SESN3: variants seen among roughly 807,000 people sequenced by gnomAD.
SESN3 encodes sestrin-3.
A neutral mutation model predicts 55.3 loss-of-function variants in SESN3; 21 were observed. The observed-to-expected ratio is 0.38, with a 90% CI of 0.27 to 0.55. The LOEUF (loss-of-function observed/expected upper bound fraction) is 0.55, where lower values mean the gene tolerates loss of function less well. Among genes scored for constraint, SESN3 ranks in the 20% least tolerant of loss-of-function variants. The probability of loss-of-function intolerance (pLI) is 0.76; values close to 1 mark genes in which losing one functional copy is unlikely to be tolerated. For synonymous variants in SESN3, 181 were observed against 203.1 expected (o/e 0.89, Z 0.93); for missense variants, 408 against 604.3 (o/e 0.68, Z 3.41).
intron 2 of SESN3, among the ~76,000 whole-genome samples, chr11:95,192,158 ACTGTCATTC>A (rs557463047): frequency 6.6e-6 from 1 of 152,236 alleles, no homozygotes; most frequent in East Asian, 1.9e-4. Context: ...ACACCAGAAT[ACTGTCATTC>A]CTATTTTGAG....
intron 9 of SESN3, among the ~76,000 whole-genome samples, chr11:95,174,690 T>C (rs143056141): frequency 1.3e-5 from 2 of 152,118 alleles, no homozygotes; most frequent in Admixed American, 1.3e-4. Context: ...TCACTACATG[T>C]TGGCCTGGCT....
chr11:95,231,197 C>T lies in SESN3; in HGVS notation c.-337G>A, dbSNP rs1861060341. The T allele has an allele frequency of 7.2e-6, 3 of 414,510 alleles. No individual in the cohort carries two copies. Among genetic ancestry groups the T allele is most frequent in the Non-Finnish European group, 8.4e-6 (2 of 237,266 alleles). 25.7% of individuals were successfully genotyped at this position (414,510 alleles called of 1,614,324 possible). A position where few individuals can be genotyped will look rare whatever the true frequency, so the allele number is the denominator to read the frequency against. ...CGCCACCACCGCCGCCGCAGCGCCT[C>T]AGTGCGGCCCCGCCTCCGCCGCCCC... On this transcript the variant is annotated 5_prime_UTR_variant, in exon 1 of 10. Coordinates refer to ENST00000536441, the MANE Select transcript of SESN3 (RefSeq NM_144665.4).
intron 2 of SESN3, among the ~76,000 whole-genome samples, chr11:95,192,942 G>A (rs2134236582): frequency 7.3e-6 from 1 of 137,442 alleles, no homozygotes; most frequent in East Asian, 2.1e-4. Flanking sequence ...AGATTCATAT[G>A]ATGCAATAGA....
intron 1 of SESN3, among the ~76,000 whole-genome samples, chr11:95,227,307 G>A (rs1188458041): frequency 1.3e-5 from 2 of 151,908 alleles, no homozygotes; most frequent in Non-Finnish European, 2.9e-5. Flanking sequence ...CCAGGTTCAA[G>A]TGATTCTCCT....
At chr11:95,209,124 T>A (rs1486879983) in intron 1 of SESN3, among the ~76,000 whole-genome samples, 1 of 151,022 alleles carries the variant, frequency 6.6e-6, no homozygotes, top group Non-Finnish European at 1.5e-5. Context: ...ATCATCAGAG[T>A]GAACAGGCAA....
intron 1 of SESN3, among the ~76,000 whole-genome samples, chr11:95,216,198 CCTT>C (rs1456975613): frequency 6.6e-6 from 1 of 151,660 alleles, no homozygotes; most frequent in Non-Finnish European, 1.5e-5. Flanking sequence ...GTGCTCTACA[CCTT>C]CTGTCAAATA....
intron 1 of SESN3, among the ~76,000 whole-genome samples, chr11:95,223,280 C>G (rs1158680346): frequency 6.6e-6 from 1 of 152,036 alleles, no homozygotes; most frequent in Admixed American, 6.6e-5. Context: ...ATTAATAGTT[C>G]TGTCTCTTCT....
chr11:95,205,170 G>A (rs898899841), intron 1 of SESN3, among the ~76,000 whole-genome samples: 13 of 152,166 alleles, frequency 8.5e-5, no homozygotes, highest in African/African-American at 3.1e-4. Context: ...TGTTCTACAT[G>A]ATTCCTGAAA....
chr11:95,173,402 A>G (rs1453884043), intron 9 of SESN3, 61 bp from the exon 10 acceptor site: 3 of 1,064,484 alleles, frequency 2.8e-6, no homozygotes, highest in Admixed American at 1.8e-5. Context: ...ATCTTATTAG[A>G]CATTCACAAA....
Position 95,184,399 on chromosome 11 carries a change from CA to C in SESN3, c.937+20del, listed in dbSNP as rs1860124517. Reference sequence around the variant, plus strand: ...CAGGGTTCTAAGAACAACTAAAAGGCAAAAAAGTGCAAAAAAGCACCTGAAT... The same window carrying C: ...CAGGGTTCTAAGAACAACTAAAAGGCAAAAAGTGCAAAAAAGCACCTGAAT... On this transcript the variant is annotated intron_variant, in intron 6 of 9. Transcript: ENST00000536441. 4 of 1,612,104 alleles carry C rather than the reference CA, an allele frequency of 2.5e-6. No homozygotes were observed. The highest frequency in any genetic ancestry group is 2.7e-5 in the African/African-American group (2 of 74,864).
intron 1 of SESN3, among the ~76,000 whole-genome samples, chr11:95,229,113 A>AT (rs923153345): frequency 6.6e-6 from 1 of 152,246 alleles, no homozygotes; most frequent in African/African-American, 2.4e-5. Flanking sequence ...ACTTGCTGTC[A>AT]TTTTAACCAG....
intron 2 of SESN3, among the ~76,000 whole-genome samples, chr11:95,193,005 C>T (rs1035086699): frequency 6.6e-6 from 1 of 152,032 alleles, no homozygotes. Flanking sequence ...GACTATGCTT[C>T]AGGAAGTCTT....
intron 1 of SESN3, among the ~76,000 whole-genome samples, chr11:95,228,861 G>T (rs1022146538): frequency 6.6e-6 from 1 of 152,180 alleles, no homozygotes; most frequent in African/African-American, 2.4e-5. Context: ...AAATGAGGAT[G>T]TTCTTTCTAG....
Position 95,167,475 on chromosome 11 carries a change from C to CCCATATAT in SESN3, c.*5779_*5780insATATATGG, listed in dbSNP as rs563322416. On this transcript the variant is annotated 3_prime_UTR_variant, in exon 10 of 10. Coordinates refer to ENST00000536441, the MANE Select transcript of SESN3 (RefSeq NM_144665.4). ...TCAGATATTCATTCTGTTTCCCCCC[C>CCCATATAT]ATATATATAATTTTTCATTCTGTAC... 3 of 150,938 alleles carry CCCATATAT rather than the reference C, an allele frequency of 2.0e-5. No homozygotes were observed. The highest frequency in any genetic ancestry group is 7.4e-5 in the African/African-American group (3 of 40,342). 9.3% of individuals were successfully genotyped at this position (150,938 alleles called of 1,614,324 possible). A position where few individuals can be genotyped will look rare whatever the true frequency, so the allele number is the denominator to read the frequency against.
chr11:95,190,966 C>T (rs1362174825), intron 3 of SESN3, among the ~76,000 whole-genome samples: 1 of 152,038 alleles, frequency 6.6e-6, no homozygotes, highest in Non-Finnish European at 1.5e-5. Context: ...AAGAATTCTT[C>T]TCTCATTCAG....
At chr11:95,183,005 C>A (rs1860085252) in intron 6 of SESN3, among the ~76,000 whole-genome samples, 1 of 152,088 alleles carries the variant, frequency 6.6e-6, no homozygotes, top group Non-Finnish European at 1.5e-5. Flanking sequence ...ACACCCTTTG[C>A]CTATCAAGAC....
chr11:95,204,488 C>CG (rs1459003854), intron 1 of SESN3, among the ~76,000 whole-genome samples: 92 of 152,036 alleles, frequency 6.1e-4, no homozygotes, highest in African/African-American at 2.1e-3. Flanking sequence ...CTGTCCCCCC[C>CG]CTCAAAATTC....
chr11:95,229,878 G>T (rs1487344966), intron 1 of SESN3, among the ~76,000 whole-genome samples: 5 of 152,140 alleles, frequency 3.3e-5, no homozygotes, highest in Non-Finnish European at 1.5e-5. Flanking sequence ...GTTTGAATAC[G>T]AATAAACTGA....
At chr11:95,200,277 G>A (rs1343719717) in intron 1 of SESN3, among the ~76,000 whole-genome samples, 1 of 152,038 alleles carries the variant, frequency 6.6e-6, no homozygotes, top group Non-Finnish European at 1.5e-5. Context: ...TACTTTTACA[G>A]TAAACTTAAC....
Sources: allele counts gnomAD v4.1 joint callset (sites outside exome capture counted in the v4.1 genomes callset), GRCh38; gene constraint gnomAD v4.1.1; transcripts MANE v1.5; gene names NCBI Gene and HGNC (gene_info 2026-07-23, HGNC 2026-07-21).